RBPJ: variants seen among roughly 807,000 people sequenced by gnomAD.
RBPJ encodes recombining binding protein suppressor of hairless.
In RBPJ, 9 loss-of-function variants were observed where a neutral mutation model predicts 67.8. The ratio of observed to expected loss-of-function variants is 0.13; its 90% CI spans 0.08 to 0.23. The LOEUF is 0.23. Ranked by LOEUF, RBPJ falls within the 10% of genes least tolerant of loss-of-function variation. The pLI is 1.00. For missense variants in RBPJ, 305 were observed against 595.6 expected (o/e 0.51, Z 5.08); for synonymous variants, 198 against 203.3 (o/e 0.97, Z 0.22).
At chr4:26,375,813 G>A (rs190710596) in intron 1 of RBPJ, among the ~76,000 whole-genome samples, 3 of 152,112 alleles carry the variant, frequency 2.0e-5, no homozygotes, top group African/African-American at 7.2e-5. Context: ...TGCTTGCTGC[G>A]TGCTCTCTGG....
chr4:26,422,589 T>C lies in RBPJ; in HGVS notation c.497-1753T>C, dbSNP rs1288540010. ...GCTTTCTTTTCATTTTGTTTTATTA[T>C]GAGATCATGGTTTTTGTTGTGGTTG... On this transcript the variant is annotated intron_variant, in intron 5 of 10. Coordinates refer to ENST00000355476, the MANE Select transcript of RBPJ (RefSeq NM_015874.6). 3.9e-5 allele frequency among the ~76,000 whole-genome samples: 6 copies of C among 152,156 alleles called. No individual in the cohort carries two copies. The East Asian group carries it at 1.2e-3, about 29-fold the overall frequency.
chr4:26,298,569 G>A, intron 1 of RBPJ, among the ~76,000 whole-genome samples: 1 of 152,180 alleles, frequency 6.6e-6, no homozygotes, highest in East Asian at 1.9e-4. Context: ...AAGTGAAGAG[G>A]AAGAAGTATT....
intron 1 of RBPJ, among the ~76,000 whole-genome samples, chr4:26,206,345 C>G (rs770649228): frequency 4.1e-4 from 62 of 152,276 alleles, no homozygotes; most frequent in Non-Finnish European, 4.6e-4. Flanking sequence ...GTGAAATTAG[C>G]AGTTGCTTCA....
At chr4:26,244,356 T>C in intron 1 of RBPJ, among the ~76,000 whole-genome samples, 1 of 150,866 alleles carries the variant, frequency 6.6e-6, no homozygotes, top group Admixed American at 6.6e-5. Flanking sequence ...TGTGTATATA[T>C]ATGTATGCAC....
At chr4:26,122,586 C>T in the RBPJ span, among the ~76,000 whole-genome samples, 1 of 152,134 alleles carries the variant, frequency 6.6e-6, no homozygotes, top group Non-Finnish European at 1.5e-5. Context: ...ATTAACATTT[C>T]TTGGAATTTT....
rs967655713 is a variant in RBPJ at position 26,214,635 on chromosome 4, A to G, written c.-167+51021A>G. Among the ~76,000 whole-genome samples the G allele has an allele frequency of 2.6e-3, 164 of 62,470 alleles. 5 individuals are homozygous for G. The highest frequency in any genetic ancestry group is 0.015 in the African/African-American group (156 of 10,376). 41.0% of individuals were successfully genotyped at this position (62,470 alleles called of 152,430 possible). On this transcript the variant is annotated intron_variant, in intron 1 of 4. Transcript: ENST00000512351. Reference sequence around the variant, plus strand: ...GAATGAAAAAGAAAAAAGAGAAAGAAAAAGAAAAAAGAAAGAGAAAAAGGA... The same window carrying G: ...GAATGAAAAAGAAAAAAGAGAAAGAGAAAGAAAAAAGAAAGAGAAAAAGGA...
intron 1 of RBPJ, among the ~76,000 whole-genome samples, chr4:26,301,319 A>C (rs949394270): frequency 6.6e-6 from 1 of 152,174 alleles, no homozygotes; most frequent in African/African-American, 2.4e-5. Flanking sequence ...ATAGCCGGGC[A>C]TGGTGGCTCA....
At chr4:26,233,435 T>C (rs894593397) in intron 1 of RBPJ, among the ~76,000 whole-genome samples, 3 of 152,242 alleles carry the variant, frequency 2.0e-5, no homozygotes, top group African/African-American at 7.2e-5. Context: ...AATTCAATTA[T>C]CCTTCAGAAA....
intron 1 of RBPJ, among the ~76,000 whole-genome samples, chr4:26,169,214 G>T (rs1381182075): frequency 6.6e-6 from 1 of 151,960 alleles, no homozygotes; most frequent in Non-Finnish European, 1.5e-5. Flanking sequence ...ATCTACTTTT[G>T]GTCTTTGATG....
intron 1 of RBPJ, among the ~76,000 whole-genome samples, chr4:26,238,910 G>C (rs1391397472): frequency 2.0e-5 from 3 of 152,102 alleles, no homozygotes; most frequent in African/African-American, 7.2e-5. Flanking sequence ...AGCAGCAGGT[G>C]AGAGAGCCAC....
the RBPJ span, among the ~76,000 whole-genome samples, chr4:26,152,228 T>C: frequency 1.3e-5 from 2 of 152,228 alleles, no homozygotes; most frequent in African/African-American, 2.4e-5. Context: ...GGGACTTGTG[T>C]TGGCTAGTGA....
intron 1 of RBPJ, among the ~76,000 whole-genome samples, chr4:26,192,010 ATTT>A (rs35579283): frequency 1.4e-5 from 2 of 142,636 alleles, no homozygotes; most frequent in Admixed American, 7.0e-5. Flanking sequence ...ATTCTTTAAA[ATTT>A]TTTTTTTTTT....
Position 26,430,710 on chromosome 4 carries a change from C to T in RBPJ, c.1167C>T (p.Leu389=), listed in dbSNP as rs1389449587. 1.9e-6 allele frequency: 3 copies of T among 1,614,076 alleles called. No individual in the cohort carries two copies. The highest frequency in any genetic ancestry group is 1.7e-6 in the Non-Finnish European group (2 of 1,179,994). ...TCCTCAGGTGTGGAGAGAGTATGCTCTGTGTCGTCCCAGACATTTCTGCAT... is the reference window on the plus strand; with the variant it reads ...TCCTCAGGTGTGGAGAGAGTATGCTTTGTGTCGTCCCAGACATTTCTGCAT... The part of the protein sequence containing the change: ...ETMYRCGESM[L]CVVPDISAFR... The change falls in exon 11 of 11, where the codon CTC becomes CTT. Residue 389 remains leucine (L), a synonymous_variant. Transcript: ENST00000355476. This position sits in a 1 kb window ranked among gnomAD's most constrained non-coding sequence, Gnocchi z 4.1.
chr4:26,223,899 C>T (rs925210594), intron 1 of RBPJ, among the ~76,000 whole-genome samples: 2 of 152,182 alleles, frequency 1.3e-5, no homozygotes, highest in East Asian at 1.9e-4. Context: ...GGAATCCATG[C>T]TCTATAATTA....
intron 4 of RBPJ, among the ~76,000 whole-genome samples, chr4:26,416,972 A>G (rs565854958): frequency 1.3e-5 from 2 of 152,338 alleles, no homozygotes; most frequent in Admixed American, 6.5e-5. Flanking sequence ...TTCATCTTAA[A>G]CCACTAAAAC....
chr4:26,162,413 C>A (rs897581047), upstream of RBPJ, among the ~76,000 whole-genome samples: 11 of 152,210 alleles, frequency 7.2e-5, no homozygotes, highest in African/African-American at 2.7e-4. Context: ...CTAGAAAGGG[C>A]CAGAGAGGTC....
chr4:26,320,738 G>C, upstream of RBPJ: 1 of 1,551,418 alleles, frequency 6.4e-7, no homozygotes, highest in Non-Finnish European at 8.7e-7. Flanking sequence ...CTAAAACCCG[G>C]ATAACCGGAG....
intron 1 of RBPJ, among the ~76,000 whole-genome samples, chr4:26,276,856 C>T (rs763702386): frequency 1.1e-4 from 16 of 152,216 alleles, no homozygotes; most frequent in South Asian, 2.1e-4. Context: ...GTAGCAAGGG[C>T]GGAGTCAAAA....
At chr4:26,426,726 G>T (rs1317540573) in intron 7 of RBPJ, among the ~76,000 whole-genome samples, 1 of 152,188 alleles carries the variant, frequency 6.6e-6, no homozygotes, top group Admixed American at 6.5e-5. Flanking sequence ...AGCCCAGAAT[G>T]AAGTCAAAGA....
Sources: gnomAD v4.1 joint callset for allele counts (sites outside exome capture counted in the v4.1 genomes callset) on GRCh38, gnomAD v4.1.1 for gene constraint, Gnocchi (gnomAD v3.1) non-coding constraint, MANE v1.5 for transcripts, NCBI Gene and HGNC (gene_info 2026-07-23, HGNC 2026-07-21) for gene names.